Variants in MALRD1 observed in about 807,000 individuals in gnomAD.
MALRD1 encodes the protein MAM and LDL receptor class A domain containing 1, also known as MAM and LDL-receptor class A domain-containing protein 1.
MALRD1 carries 247 observed loss-of-function variants against 242.1 expected under a neutral mutation model. The ratio of observed to expected loss-of-function variants is 1.02; its 90% confidence interval spans 0.92 to 1.13. The LOEUF (loss-of-function observed/expected upper bound fraction) is 1.13. Ranked by LOEUF, MALRD1 falls within the 50% of genes most tolerant of loss-of-function variation. The pLI, the probability that MALRD1 is intolerant of heterozygous loss-of-function variation, is 0.00. For synonymous variants in MALRD1, 995 were observed against 866.6 expected (o/e 1.15, Z -2.60); for missense variants, 2,989 against 2,533.1 (o/e 1.18, Z -3.86).
At position 19,330,860 on chromosome 10, in the gene MALRD1, T is replaced by A. The variant is rs550816220; in HGVS notation, c.3688-509T>A. ...TTCAATTCCAAAGATGTGTACAATT[T>A]AAAAAAAAAAAACTCATGGTATTGA... is the stretch of plus-strand genomic sequence containing the variant. On this transcript the variant is annotated intron_variant, in intron 23 of 39. Transcript: ENST00000454679. Among the ~76,000 whole-genome samples the A allele has an allele frequency of 7.4e-3, 1,092 of 146,972 alleles. 12 individuals carry two copies. Among genetic ancestry groups the A allele is most frequent in the South Asian group, 0.052 (241 of 4,644 alleles).
chr10:19,164,719 A>T (rs1044028733), intron 12 of MALRD1, among the ~76,000 whole-genome samples: 1 of 152,308 alleles, frequency 6.6e-6, no homozygotes, highest in Non-Finnish European at 1.5e-5. Context: ...CTCAGTAAAT[A>T]TTGGTTGAAT....
chr10:19,718,040 AAG>A (rs1834480572), intron 38 of MALRD1, among the ~76,000 whole-genome samples: 2 of 119,700 alleles, frequency 1.7e-5, no homozygotes, highest in Non-Finnish European at 3.3e-5. Context: ...AAAGAGGAAG[AAG>A]AAGAGGAAGA....
At chr10:19,214,372 T>G (rs2131641347) in intron 18 of MALRD1, among the ~76,000 whole-genome samples, 1 of 152,330 alleles carries the variant, frequency 6.6e-6, no homozygotes, top group South Asian at 2.1e-4. Context: ...GGCATACATT[T>G]TGGCCATTTT....
chr10:19,055,543 A>G (rs1314111200), intron 1 of MALRD1, among the ~76,000 whole-genome samples: 3 of 152,170 alleles, frequency 2.0e-5, no homozygotes, highest in African/African-American at 7.2e-5. Flanking sequence ...TTAAGGTCTT[A>G]TATTTAAGTC....
chr10:19,452,168 A>G (rs1432276399), intron 29 of MALRD1, among the ~76,000 whole-genome samples: 2 of 152,222 alleles, frequency 1.3e-5, no homozygotes, highest in South Asian at 4.1e-4. Context: ...AGAAAGCTTT[A>G]TTCAATAAGA....
At chr10:19,323,888 G>A (rs1397605080) in intron 21 of MALRD1, 61 bp from the exon 22 acceptor site, 1 of 1,488,382 alleles carries the variant, frequency 6.7e-7, no homozygotes, top group Non-Finnish European at 9.1e-7. Context: ...TGGGATTACA[G>A]GCGTGAGCCA....
chr10:19,581,942 G>A (rs1034873269), intron 33 of MALRD1, among the ~76,000 whole-genome samples: 6 of 152,084 alleles, frequency 3.9e-5, no homozygotes, highest in Admixed American at 1.3e-4. Context: ...ATCTCATTGT[G>A]GTTTTGATTT....
chr10:19,596,973 A>G (rs575145138), intron 34 of MALRD1, among the ~76,000 whole-genome samples: 169 of 152,224 alleles, frequency 1.1e-3, no homozygotes, highest in Non-Finnish European at 1.9e-3. Context: ...AATCTGGAAC[A>G]ATTGGAAGAA....
At chr10:19,616,127 T>C (rs148208812) in intron 36 of MALRD1, among the ~76,000 whole-genome samples, 1,990 of 152,106 alleles carry the variant, frequency 0.013, 17 homozygotes, top group East Asian at 0.036. Context: ...TTTATTATGA[T>C]TGTGCATGTT....
At chr10:19,679,953 G>A (rs1842299327) in intron 36 of MALRD1, among the ~76,000 whole-genome samples, 2 of 152,154 alleles carry the variant, frequency 1.3e-5, no homozygotes, top group Admixed American at 1.3e-4. Flanking sequence ...ATGTAGTTGT[G>A]TGGTTTTGAG....
intron 29 of MALRD1, among the ~76,000 whole-genome samples, chr10:19,466,582 C>T (rs7090394): frequency 0.018 from 2,668 of 152,220 alleles, 71 homozygotes; most frequent in African/African-American, 0.061. Context: ...TCTTCTGAGG[C>T]CTCTCTCCAC....
At chr10:19,320,785 G>T (rs1159105427) in intron 21 of MALRD1, among the ~76,000 whole-genome samples, 1 of 151,846 alleles carries the variant, frequency 6.6e-6, no homozygotes, top group African/African-American at 2.4e-5. Context: ...GCATGAGATG[G>T]TATCTCATTG....
rs1445615080 is a variant in MALRD1 at position 19,238,664 on chromosome 10, A to G, written c.2992-19020A>G. Among the ~76,000 whole-genome samples, 9 of 145,454 alleles carry G rather than the reference A, an allele frequency of 6.2e-5. No homozygotes were observed. The South Asian group carries it at 1.1e-3, about 17-fold the overall frequency. ...ATTATTAGAAATAGTGCTACAGTAA[A>G]CATAAGAGTGCAGATATTTTTCAAA... On this transcript the variant is annotated intron_variant, in intron 18 of 39. Transcript: ENST00000454679.
intron 31 of MALRD1, among the ~76,000 whole-genome samples, chr10:19,501,599 T>C (rs914186682): frequency 5.3e-5 from 8 of 152,234 alleles, no homozygotes; most frequent in African/African-American, 1.9e-4. Context: ...ATTGTGCATA[T>C]GTATAAATCT....
intron 32 of MALRD1, among the ~76,000 whole-genome samples, chr10:19,560,447 C>T (rs188794373): frequency 3.1e-4 from 47 of 151,894 alleles, no homozygotes; most frequent in East Asian, 2.3e-3. Context: ...TCCAGCCTGG[C>T]GACAGAGTGA....
chr10:19,169,654 A>G (rs2131517972), intron 13 of MALRD1, among the ~76,000 whole-genome samples: 1 of 152,324 alleles, frequency 6.6e-6, no homozygotes, highest in Admixed American at 6.5e-5. Flanking sequence ...ATTTTTAAAG[A>G]TATGAAAATA....
chr10:19,072,448 T>C (rs923810044), intron 2 of MALRD1, among the ~76,000 whole-genome samples: 36 of 152,174 alleles, frequency 2.4e-4, no homozygotes, highest in Non-Finnish European at 4.4e-4. Flanking sequence ...TTTTTTTGAA[T>C]TTTTTAATGA....
chr10:19,256,033 G>C (rs1266177553), intron 18 of MALRD1, among the ~76,000 whole-genome samples: 1 of 152,004 alleles, frequency 6.6e-6, no homozygotes, highest in Non-Finnish European at 1.5e-5. Flanking sequence ...CCTAAAGCTG[G>C]TTTCCAGCTA....
At chr10:19,051,291 TA>T (rs36010504) in intron 1 of MALRD1, among the ~76,000 whole-genome samples, 136 of 149,408 alleles carry the variant, frequency 9.1e-4, no homozygotes, top group South Asian at 7.4e-3. Flanking sequence ...GTAGCCACAT[TA>T]AAAAAAAAAG....
Sources: gnomAD v4.1 joint callset for allele counts (sites outside exome capture counted in the v4.1 genomes callset) on GRCh38, gnomAD v4.1.1 for gene constraint, MANE v1.5 for transcripts, NCBI Gene and HGNC (gene_info 2026-07-23, HGNC 2026-07-21) for gene names.